Variants in SLC25A48 observed in about 807,000 individuals in gnomAD.
SLC25A48 encodes the protein solute carrier family 25 member 48.
In SLC25A48, 29 loss-of-function variants were observed where a neutral mutation model predicts 32.2. The observed-to-expected ratio is 0.90, with a 90% CI of 0.67 to 1.23. The LOEUF (loss-of-function observed/expected upper bound fraction) is 1.23. Among genes scored for constraint, SLC25A48 ranks in the 50% most tolerant of loss-of-function variants. The pLI is 0.00. For missense variants in SLC25A48, 399 were observed against 422.7 expected (o/e 0.94, Z 0.49); for synonymous variants, 164 against 172.3 (o/e 0.95, Z 0.38).
Position 135,852,711 on chromosome 5 carries a change from C to G in SLC25A48, c.311C>G (p.Ser104Ter). ...EPEASPPRTL[S>*]DLLLASMVAG... ...GAGGCCAGTCCTCCCCGCACGCTGT[C>G]AGACCTGCTCCTGGCCAGCATGGTG... Residue 104 changes from serine (S) to a stop codon, truncating the protein, a stop_gained, in exon 4 of 8, where the codon TCA becomes TGA. Transcript: ENST00000681962. LOFTEE classifies it high-confidence loss of function. 6.2e-7 allele frequency: 1 copy of G among 1,614,158 alleles called. No individual in the cohort carries two copies. Among genetic ancestry groups the G allele is most frequent in the South Asian group, 1.1e-5 (1 of 91,074 alleles).
intron 3 of SLC25A48, among the ~76,000 whole-genome samples, chr5:135,666,979 T>C (rs889804553): frequency 6.6e-6 from 1 of 152,184 alleles, no homozygotes; most frequent in Non-Finnish European, 1.5e-5. Context: ...TGAAAGAGTA[T>C]AATCATTTGG....
intron 3 of SLC25A48, among the ~76,000 whole-genome samples, chr5:135,678,913 G>T (rs1031049804): frequency 6.6e-6 from 1 of 152,194 alleles, no homozygotes; most frequent in African/African-American, 2.4e-5. Context: ...CTGGGCCCTA[G>T]TGGTTACAGT....
At chr5:135,649,987 C>A in intron 3 of SLC25A48, 1 of 168,542 alleles carries the variant, frequency 5.9e-6, no homozygotes, top group South Asian at 1.4e-4. Context: ...TTAATGCAGC[C>A]TTTCCTACAT....
At chr5:135,721,327 A>G (rs1343469969) in intron 3 of SLC25A48, among the ~76,000 whole-genome samples, 1 of 148,946 alleles carries the variant, frequency 6.7e-6, no homozygotes, top group African/African-American at 2.5e-5. Flanking sequence ...TCAGCCTCCC[A>G]AGTAGCTGAG....
rs1260190781 is a variant in SLC25A48, at chr5:135,780,376, G to A, written c.-520-32147G>A. Among the ~76,000 whole-genome samples the A allele has an allele frequency of 5.1e-5, 6 of 116,622 alleles. 2 individuals carry two copies. In the South Asian group the frequency reaches 1.5e-3, roughly 29 times the overall value. 76.5% of individuals were successfully genotyped at this position (116,622 alleles called of 152,430 possible). A position where few individuals can be genotyped will look rare whatever the true frequency, so the allele number is the denominator to read the frequency against. ...GCTGGGATTACAGGCGTGAGCCACC[G>A]CGCCTGGTCAGATATTGTTTCTTAT... On this transcript the variant is annotated intron_variant, in intron 3 of 10. Transcript: ENST00000646290.
At chr5:135,610,007 T>C (rs1752028249) in intron 1 of SLC25A48, among the ~76,000 whole-genome samples, 2 of 152,350 alleles carry the variant, frequency 1.3e-5, no homozygotes, top group Middle Eastern at 3.4e-3. Flanking sequence ...TGTATACTTA[T>C]TTAAAGTAAA....
At chr5:135,836,901 A>T (rs1758552725) in intron 1 of SLC25A48, among the ~76,000 whole-genome samples, 1 of 150,364 alleles carries the variant, frequency 6.7e-6, no homozygotes, top group African/African-American at 2.5e-5. Context: ...TCTTAATTTC[A>T]TCTTAACTCT....
At chr5:135,842,287 G>GGCCCC in intron 1 of SLC25A48, 129 bp from the exon 2 acceptor site, 2 of 897,178 alleles carry the variant, frequency 2.2e-6, no homozygotes, top group South Asian at 1.5e-5. Context: ...GCACATTGGA[G>GGCCCC]CCCACCCACT....
At chr5:135,603,874 G>GTGGGAGA (rs1399925381) in intron 1 of SLC25A48, among the ~76,000 whole-genome samples, 23 of 152,162 alleles carry the variant, frequency 1.5e-4, no homozygotes, top group Admixed American at 1.4e-3. Flanking sequence ...GAGGTGGGAG[G>GTGGGAGA]TGGAGGGTGG....
exon 4 of SLC25A48, chr5:135,812,719 G>A (rs910732336): frequency 1.2e-4 from 19 of 152,228 alleles, no homozygotes; most frequent in African/African-American, 3.9e-4. Context: ...GATGACTTCT[G>A]GGGCACAGCA....
intron 1 of SLC25A48, among the ~76,000 whole-genome samples, chr5:135,621,010 G>A (rs1752314371): frequency 6.6e-6 from 1 of 152,156 alleles, no homozygotes; most frequent in Non-Finnish European, 1.5e-5. Context: ...TTCAAAGTTT[G>A]ATTATCTACA....
At chr5:135,887,572 TA>T (rs1762780178) in intron 7 of SLC25A48, among the ~76,000 whole-genome samples, 1 of 152,130 alleles carries the variant, frequency 6.6e-6, no homozygotes, top group Admixed American at 6.5e-5. Flanking sequence ...AGAGGTCAAC[TA>T]AACCCTCCGC....
chr5:135,778,188 T>C (rs1431356763), intron 3 of SLC25A48, among the ~76,000 whole-genome samples: 1 of 151,688 alleles, frequency 6.6e-6, no homozygotes, highest in African/African-American at 2.4e-5. Context: ...GAGGATAATA[T>C]TCCTTCCAAT....
intron 3 of SLC25A48, among the ~76,000 whole-genome samples, chr5:135,702,536 C>A (rs1018797054): frequency 2.6e-5 from 4 of 152,242 alleles, no homozygotes; most frequent in African/African-American, 9.6e-5. Flanking sequence ...TCCTGGCCTC[C>A]AAACTATGAG....
intron 3 of SLC25A48, among the ~76,000 whole-genome samples, chr5:135,785,637 A>AGGGG (rs1756822794): frequency 7.1e-6 from 1 of 141,062 alleles, no homozygotes; most frequent in South Asian, 2.4e-4. Context: ...ATCCAGGAAA[A>AGGGG]GAGAGGGTGA....
chr5:135,757,692 A>C (rs1279613510), intron 3 of SLC25A48, among the ~76,000 whole-genome samples: 1 of 149,936 alleles, frequency 6.7e-6, no homozygotes, highest in African/African-American at 2.4e-5. Context: ...TATGATATTA[A>C]TAAAATATCA....
At chr5:135,815,411 C>T (rs1757690877) in intron 4 of SLC25A48, among the ~76,000 whole-genome samples, 1 of 152,190 alleles carries the variant, frequency 6.6e-6, no homozygotes, top group Non-Finnish European at 1.5e-5. Context: ...CAGCTGCTCA[C>T]CTCCTGCTGT....
chr5:135,679,014 C>A (rs188337534), intron 3 of SLC25A48, among the ~76,000 whole-genome samples: 2 of 152,270 alleles, frequency 1.3e-5, no homozygotes, highest in Non-Finnish European at 2.9e-5. Context: ...CTTAGGTCTG[C>A]AGGCAGCTTG....
chr5:135,693,630 G>A (rs1754196823), intron 3 of SLC25A48, among the ~76,000 whole-genome samples: 1 of 152,204 alleles, frequency 6.6e-6, no homozygotes, highest in Non-Finnish European at 1.5e-5. Flanking sequence ...AGGCGCTGAA[G>A]CCCTGTTACC....
Sources: allele counts gnomAD v4.1 joint callset (sites outside exome capture counted in the v4.1 genomes callset), GRCh38; gene constraint gnomAD v4.1.1; transcripts MANE v1.5; gene names NCBI Gene and HGNC (gene_info 2026-07-23, HGNC 2026-07-21).